The following SYN3 variants were observed in gnomAD, a reference collection of about 807,000 sequenced individuals.
The protein encoded by SYN3 is synapsin-3.
In SYN3, 35 loss-of-function variants were observed where a neutral mutation model predicts 65.8. The observed-to-expected ratio is 0.53, with a 90% CI of 0.41 to 0.70. The LOEUF (loss-of-function observed/expected upper bound fraction) is 0.70, where lower values mean the gene tolerates loss of function less well. Among genes scored for constraint, SYN3 ranks in the 30% least tolerant of loss-of-function variants. SYN3 has a pLI of 0.00. For missense variants in SYN3, 680 were observed against 749.0 expected, an observed-to-expected ratio of 0.91 and a Z score of 1.08; for synonymous variants, 270 against 292.9, an observed-to-expected ratio of 0.92 and a Z score of 0.80.
At chr22:32,647,004 A>G (rs2059993099) in intron 6 of SYN3, among the ~76,000 whole-genome samples, 1 of 152,210 alleles carries the variant, frequency 6.6e-6, no homozygotes, top group East Asian at 1.9e-4. Context: ...CTGGGAACCA[A>G]GTGAAACTCT....
rs564177209 is a variant in SYN3 at position 32,538,154 on chromosome 22, G to A, written c.918-44C>T. The A allele has an allele frequency of 2.1e-5, 32 of 1,550,092 alleles. No individual in the cohort carries two copies. In the East Asian group the frequency reaches 2.5e-4, roughly 12 times the overall value. On this transcript the variant is annotated intron_variant, in intron 8 of 13. Coordinates refer to ENST00000358763, the MANE Select transcript of SYN3 (RefSeq NM_003490.4). ...CACATTGAGGGAATTAGGGACCCTC[G>A]TCACTGATCTGCTTTCCTTCTTTGC...
In SYN3 at chr22:32,527,728, CCTT is replaced by C. The variant is rs1225878373; in HGVS notation, c.1318+187_1318+189del. Reference sequence around the variant, plus strand: ...GCATATTAGGTTCTTAATAAATTAACCTTCTATTTCCCTTCTCCTTTCTTGACT... The same window carrying C: ...GCATATTAGGTTCTTAATAAATTAACCTATTTCCCTTCTCCTTTCTTGACT... On this transcript the variant is annotated intron_variant, in intron 12 of 13. Coordinates refer to ENST00000358763, the MANE Select transcript of SYN3 (RefSeq NM_003490.4). 4.0e-5 allele frequency: 22 copies of C among 555,538 alleles called. No individual in the cohort carries two copies. In the East Asian group the frequency reaches 4.0e-4, roughly 10 times the overall value. The allele number at this position is 555,538 out of a possible 1,614,324, so 34.4% of individuals were successfully genotyped here.
At chr22:32,942,893 G>GA (rs548187519) in intron 3 of SYN3, among the ~76,000 whole-genome samples, 2 of 151,912 alleles carry the variant, frequency 1.3e-5, no homozygotes, top group African/African-American at 4.8e-5. Flanking sequence ...GAAGTTTAGA[G>GA]AAAAAAAGAG....
At chr22:32,915,791 T>C (rs2050171993) in intron 4 of SYN3, among the ~76,000 whole-genome samples, 2 of 152,210 alleles carry the variant, frequency 1.3e-5, no homozygotes, top group South Asian at 2.1e-4. Context: ...GAAGCCCTTG[T>C]AGAGTTTTAA....
chr22:32,958,611 AG>A (rs1038238827), intron 3 of SYN3, among the ~76,000 whole-genome samples: 9 of 152,198 alleles, frequency 5.9e-5, no homozygotes, highest in African/African-American at 2.2e-4. Context: ...TTTTTGTTTT[AG>A]CACTTACTAT....
chr22:32,814,399 G>C (rs2047034754), intron 6 of SYN3, among the ~76,000 whole-genome samples: 1 of 143,904 alleles, frequency 6.9e-6, no homozygotes, highest in Admixed American at 7.2e-5. Flanking sequence ...ATTGGGAGCT[G>C]AGCTTAATGA....
At chr22:32,769,902 A>C (rs9609624) in intron 6 of SYN3, among the ~76,000 whole-genome samples, 1 of 152,152 alleles carries the variant, frequency 6.6e-6, no homozygotes, top group Non-Finnish European at 1.5e-5. Flanking sequence ...ATTCAGTCTC[A>C]TGACTAAATA....
At chr22:32,670,562 A>G (rs2060346752) in intron 6 of SYN3, among the ~76,000 whole-genome samples, 1 of 152,164 alleles carries the variant, frequency 6.6e-6, no homozygotes, top group Non-Finnish European at 1.5e-5. Flanking sequence ...AGTCTTTGTT[A>G]TGGTGGCTTT....
intron 6 of SYN3, among the ~76,000 whole-genome samples, chr22:32,830,319 C>T (rs2047535902): frequency 6.6e-6 from 1 of 152,166 alleles, no homozygotes. Context: ...GGAGTATCTC[C>T]CTTAATGCCT....
intron 6 of SYN3, among the ~76,000 whole-genome samples, chr22:32,657,531 G>T (rs753044730): frequency 0.011 from 1,631 of 152,344 alleles, 9 homozygotes; most frequent in Non-Finnish European, 0.015. Flanking sequence ...GCTGGCCAAG[G>T]AAGGTTGTTG....
At chr22:32,974,154 T>C (rs1226191647) in intron 3 of SYN3, among the ~76,000 whole-genome samples, 1 of 152,228 alleles carries the variant, frequency 6.6e-6, no homozygotes, top group East Asian at 1.9e-4. Context: ...AGTGCTTTAA[T>C]CAATACTTTT....
intron 4 of SYN3, among the ~76,000 whole-genome samples, chr22:32,880,807 T>C (rs1007596255): frequency 2.6e-5 from 4 of 152,240 alleles, no homozygotes; most frequent in East Asian, 3.8e-4. Context: ...TAGGTACAAG[T>C]TGCGCGTCTC....
intron 4 of SYN3, among the ~76,000 whole-genome samples, chr22:32,909,351 C>A (rs1227160778): frequency 2.0e-5 from 3 of 152,166 alleles, no homozygotes; most frequent in Non-Finnish European, 4.4e-5. Flanking sequence ...AGTGACTTTG[C>A]CTCTCTGAAC....
At chr22:32,891,951 G>A (rs1476648654) in intron 4 of SYN3, among the ~76,000 whole-genome samples, 1 of 151,078 alleles carries the variant, frequency 6.6e-6, no homozygotes, top group Non-Finnish European at 1.5e-5. Flanking sequence ...TTGGAGACCA[G>A]GTATTGTTTC....
chr22:32,888,659 GAGATGGA>G (rs1158945409), intron 4 of SYN3, among the ~76,000 whole-genome samples: 1 of 152,178 alleles, frequency 6.6e-6, no homozygotes, highest in Non-Finnish European at 1.5e-5. Flanking sequence ...CCCAGGATTT[GAGATGGA>G]AGACTTCATG....
chr22:32,765,556 A>G (rs1417799330), intron 6 of SYN3, among the ~76,000 whole-genome samples: 2 of 152,196 alleles, frequency 1.3e-5, no homozygotes, highest in Non-Finnish European at 2.9e-5. Flanking sequence ...TGAGAAAATG[A>G]CAGGCGAGAG....
rs2147065288 is a variant in SYN3 at position 32,671,507 on chromosome 22, A to G, written c.712-74771T>C. Among the ~76,000 whole-genome samples the G allele has an allele frequency of 2.0e-5, 3 of 152,078 alleles. No homozygotes were observed. The East Asian group carries it at 5.8e-4, about 30-fold the overall frequency. On this transcript the variant is annotated intron_variant, in intron 6 of 13. Coordinates refer to ENST00000358763, the MANE Select transcript of SYN3 (RefSeq NM_003490.4). ...CACATGCTGTCGCACAGGTGCACACACGCTCTCACACAGCTACACATACAC... is the reference window on the plus strand; with the variant it reads ...CACATGCTGTCGCACAGGTGCACACGCGCTCTCACACAGCTACACATACAC...
intron 4 of SYN3, among the ~76,000 whole-genome samples, chr22:32,870,040 T>TTTTGGATTCC (rs2048807951): frequency 1.3e-5 from 2 of 152,178 alleles, no homozygotes; most frequent in Admixed American, 6.5e-5. Flanking sequence ...ATCAAACTAT[T>TTTTGGATTCC]TTTGGATTCC....
intron 7 of SYN3, among the ~76,000 whole-genome samples, chr22:32,545,021 TGGCCACA>T (rs1017073041): frequency 1.3e-5 from 2 of 152,232 alleles, no homozygotes; most frequent in African/African-American, 4.8e-5. Flanking sequence ...TACCGCTGTG[TGGCCACA>T]TTTTGGCCAA....
Sources: gnomAD v4.1 joint callset for allele counts (sites outside exome capture counted in the v4.1 genomes callset) on GRCh38, gnomAD v4.1.1 for gene constraint, MANE v1.5 for transcripts, NCBI Gene and HGNC (gene_info 2026-07-23, HGNC 2026-07-21) for gene names.